HELZ2: variants seen among roughly 807,000 people sequenced by gnomAD.
HELZ2 encodes 3'-5' exoribonuclease HELZ2.
HELZ2 carries 143 observed loss-of-function variants against 208.8 expected under a neutral mutation model. The observed-to-expected ratio is 0.68, with a 90% confidence interval of 0.60 to 0.79. The LOEUF is 0.79. HELZ2 is among the 30% of genes least tolerant of loss of function. The pLI is 0.00. For synonymous variants in HELZ2, 1,705 were observed against 1,693.7 expected (o/e 1.01, Z -0.16); for missense variants, 3,690 against 3,794.5 (o/e 0.97, Z 0.72).
exon 8 of HELZ2, chr20:63,565,286 C>T (rs377392565): frequency 6.9e-6 from 11 of 1,605,526 alleles, no homozygotes; most frequent in African/African-American, 6.7e-5. Context: ...CGCCTTGTCT[C>T]CCGAAAGGAG....
chr20:63,560,176 C>T lies in HELZ2; in HGVS notation c.7652G>A (p.Ser2551Asn). 7.1e-7 allele frequency: 1 copy of T among 1,414,208 alleles called. No individual in the cohort carries two copies. Among genetic ancestry groups the T allele is most frequent in the South Asian group, 1.2e-5 (1 of 83,522 alleles). The allele number at this position is 1,414,208 out of a possible 1,614,324, so 87.6% of individuals were successfully genotyped here. A position where few individuals can be genotyped will look rare whatever the true frequency, so the allele number is the denominator to read the frequency against. ...CCACGAGCCCCCAGCCTCACCCTGGCTCTTGGTGATGGAGGACACGGCCAC... is the reference window on the plus strand; with the variant it reads ...CCACGAGCCCCCAGCCTCACCCTGGTTCTTGGTGATGGAGGACACGGCCAC... Residue 2551 changes from serine (S) to asparagine (N), a missense_variant, in exon 17 of 19, where the codon AGC (serine) becomes AAC (asparagine). Ser to Asn is a conservative substitution (Grantham distance 46). This residue lies in a region of HELZ2 where 2,564 missense variants were observed against 2,580.5 expected (regional missense o/e 0.99). Coordinates refer to ENST00000467148, the Ensembl canonical transcript of HELZ2.
At chr20:63,561,270 T>G (rs750859749) in exon 14 of HELZ2, 1 of 1,612,686 alleles carries the variant, frequency 6.2e-7, no homozygotes. Context: ...AAGACCTTCT[T>G]GTACCTGCCG....
At chr20:63,570,190 C>T (rs1039390265) in intron 3 of HELZ2, 3 of 522,322 alleles carry the variant, frequency 5.7e-6, no homozygotes, top group African/African-American at 1.9e-5. Context: ...GAACTCCCGA[C>T]CTCAGGTGAT....
Position 63,565,044 on chromosome 20 carries a change from G to A in HELZ2, c.3778C>T (p.Arg1260Trp), listed in dbSNP as rs374836447. Reference sequence around the variant, plus strand: ...TGGACCCAGAAGAGCCGGCTGTGCCGGGCCTCGGCGGTGAGCCTCTCAAGC... The same window carrying A: ...TGGACCCAGAAGAGCCGGCTGTGCCAGGCCTCGGCGGTGAGCCTCTCAAGC... The change falls in exon 8 of 19, where the codon CGG becomes TGG. Residue 1260 changes from arginine to tryptophan, a missense_variant. Around this residue, in one of 3 missense-constraint regions of HELZ2, gnomAD observed 2,564 missense variants for 2,580.5 expected, o/e 0.99. Coordinates refer to ENST00000467148, the Ensembl canonical transcript of HELZ2. 1.7e-5 allele frequency: 27 copies of A among 1,564,042 alleles called. No homozygotes were observed. The highest frequency in any genetic ancestry group is 1.7e-4 in the Middle Eastern group (1 of 6,022).
chr20:63,570,667 C>T lies in HELZ2; in HGVS notation c.462+18G>A, dbSNP rs375476963. ...CCTGGACCCCACCCCACCCCACCCA[C>T]TCCCAGGGCCCACTTACCACAAGGA... On this transcript the variant is annotated intron_variant, in intron 2 of 18. Transcript: ENST00000467148. 1 of 1,493,166 alleles carries T rather than the reference C, an allele frequency of 6.7e-7. No individual in the cohort carries two copies. Among genetic ancestry groups the T allele is most frequent in the Non-Finnish European group, 9.3e-7 (1 of 1,080,166 alleles). The allele number at this position is 1,493,166 out of a possible 1,614,324, so 92.5% of individuals were successfully genotyped here. A position where few individuals can be genotyped will look rare whatever the true frequency, so the allele number is the denominator to read the frequency against.
chr20:63,564,482 G>A (rs573603677), exon 8 of HELZ2: 25 of 1,584,022 alleles, frequency 1.6e-5, no homozygotes, highest in Non-Finnish European at 1.8e-5. Flanking sequence ...GACCACGGAG[G>A]GTGCAAAGCG....
chr20:63,570,914 C>T lies in HELZ2; in HGVS notation c.279-46G>A, dbSNP rs776832375. 6.0e-6 allele frequency: 9 copies of T among 1,496,270 alleles called. No homozygotes were observed. In the East Asian group the frequency reaches 6.9e-5, roughly 11 times the overall value. 92.7% of individuals were successfully genotyped at this position (1,496,270 alleles called of 1,614,324 possible). ...CAGGGCTACACAGAGGCACAGCCGC[C>T]GTGCTGAGTTCAAAGGCCGGGACCC... On this transcript the variant is annotated intron_variant, in intron 1 of 18. Transcript: ENST00000467148.
chr20:63,562,974 C>T (rs927669152), exon 8 of HELZ2: 32 of 1,594,030 alleles, frequency 2.0e-5, no homozygotes, highest in Non-Finnish European at 2.5e-5. Flanking sequence ...GACTCCAGGG[C>T]GCAGAATGGT....
intron 5 of HELZ2, chr20:63,568,046 A>G: frequency 1.9e-6 from 1 of 540,142 alleles, no homozygotes. Context: ...GTTAGGACAA[A>G]GATCTGTGTT....
exon 8 of HELZ2, chr20:63,565,595 C>G: frequency 6.2e-7 from 1 of 1,609,780 alleles, no homozygotes; most frequent in Non-Finnish European, 8.5e-7. Context: ...CAGAAGCTCC[C>G]GTAGGATGGC....
chr20:63,566,829 G>T lies in HELZ2; in HGVS notation c.2514+15C>A. The T allele has an allele frequency of 6.3e-7, 1 of 1,579,242 alleles. No homozygotes were observed. The highest frequency in any genetic ancestry group is 8.6e-7 in the Non-Finnish European group (1 of 1,166,834). On this transcript the variant is annotated intron_variant, in intron 6 of 18. Coordinates refer to ENST00000467148, the Ensembl canonical transcript of HELZ2. ...GGGGTGCGGTCGGGGGCTGTCCCGG[G>T]CTGGCCGGGCTCACCTGGGCACCGT... is the stretch of plus-strand genomic sequence containing the variant.
exon 8 of HELZ2, chr20:63,566,209 C>T (rs1445060915): frequency 6.7e-7 from 1 of 1,496,732 alleles, no homozygotes; most frequent in Admixed American, 2.2e-5. Flanking sequence ...CAGTGCTGAG[C>T]ACCACGACCC....
Position 63,564,492 on chromosome 20 carries a change from G to A in HELZ2, c.4330C>T (p.Arg1444Cys), listed in dbSNP as rs115849318. 28 of 1,587,408 alleles carry A rather than the reference G, an allele frequency of 1.8e-5. No individual in the cohort carries two copies. The highest frequency in any genetic ancestry group is 2.1e-5 in the Non-Finnish European group (25 of 1,166,882). ...GACTGGACCACGGAGGGTGCAAAGC[G>A]CAGGCTCTTCAGCTGGCCACTGGCC... The change falls in exon 8 of 19, where the codon CGC (arginine) becomes TGC (cysteine). Residue 1444 changes from arginine to cysteine, a missense_variant. Arg to Cys is a radical substitution (Grantham distance 180, BLOSUM62 -3). This residue lies in a region of HELZ2 where 2,564 missense variants were observed against 2,580.5 expected (regional missense o/e 0.99). Coordinates refer to ENST00000467148, the Ensembl canonical transcript of HELZ2.
chr20:63,562,565 C>T (rs1347634663), exon 8 of HELZ2: 6 of 1,596,974 alleles, frequency 3.8e-6, no homozygotes, highest in Non-Finnish European at 5.1e-6. Context: ...GAACAGGGTG[C>T]CCGGCCTCAG....
exon 8 of HELZ2, chr20:63,563,248 C>T: frequency 6.4e-7 from 1 of 1,552,630 alleles, no homozygotes; most frequent in African/African-American, 1.4e-5. Flanking sequence ...CCTGCACCAG[C>T]TCCCGCCGCT....
intron 6 of HELZ2, 33 bp downstream of exon 7, chr20:63,566,811 G>A (rs751832719): frequency 3.7e-5 from 57 of 1,549,732 alleles, no homozygotes; most frequent in South Asian, 7.1e-5. Context: ...GCAGGGGTGC[G>A]GTCGGGGGCT....
rs191120292 is a variant in HELZ2 at position 63,563,435 on chromosome 20, C to T, written c.5387G>A (p.Arg1796Gln). 8.5e-5 allele frequency: 130 copies of T among 1,530,230 alleles called. No individual in the cohort carries two copies. In the East Asian group the frequency reaches 2.1e-3, roughly 25 times the overall value. 94.8% of individuals were successfully genotyped at this position (1,530,230 alleles called of 1,614,324 possible). A position where few individuals can be genotyped will look rare whatever the true frequency, so the allele number is the denominator to read the frequency against. Reference sequence around the variant, plus strand: ...TCCCTGCGCTGAGTAGACACGGCGCCGCCACAGGAGCCGCAGGCCCGGCCG... The same window carrying T: ...TCCCTGCGCTGAGTAGACACGGCGCTGCCACAGGAGCCGCAGGCCCGGCCG... Residue 1796 changes from arginine to glutamine, a missense_variant, in exon 8 of 19, where the codon CGG becomes CAG. This residue lies in a region of HELZ2 where 2,564 missense variants were observed against 2,580.5 expected (regional missense o/e 0.99). Transcript: ENST00000467148.
exon 4 of HELZ2, chr20:63,569,397 C>T: frequency 6.2e-7 from 1 of 1,609,682 alleles, no homozygotes. Context: ...CAGATTCCTG[C>T]AGGGTCCTGG....
chr20:63,572,523 G>A (rs917114137), upstream of HELZ2: 25 of 964,630 alleles, frequency 2.6e-5, no homozygotes, highest in Admixed American at 6.1e-5. Flanking sequence ...TGCTTGCGGC[G>A]GCCCTCGGCG....
Sources: gnomAD v4.1 joint callset for allele counts on GRCh38, gnomAD v4.1.1 for gene constraint, gnomAD v4.1.1 regional missense constraint, MANE v1.5 for transcripts, NCBI Gene and HGNC (gene_info 2026-07-23, HGNC 2026-07-21) for gene names.